PBLD: variants seen among roughly 807,000 people sequenced by gnomAD.
PBLD encodes phenazine biosynthesis like protein domain containing, also known as phenazine biosynthesis-like domain-containing protein.
PBLD carries 26 observed loss-of-function variants against 31.3 expected under a neutral mutation model. The ratio of observed to expected loss-of-function variants is 0.83; its 90% CI spans 0.61 to 1.15. PBLD has a LOEUF of 1.15. PBLD is among the 50% of genes most tolerant of loss of function. PBLD has a pLI of 0.00. For missense variants in PBLD, 307 were observed against 351.7 expected (o/e 0.87, Z 1.02); for synonymous variants, 114 against 129.0 (o/e 0.88, Z 0.79).
chr10:68,301,248 T>C lies in PBLD; in HGVS notation c.85-4263A>G, dbSNP rs1465803675. Among the ~76,000 whole-genome samples, 3 of 152,236 alleles carry C rather than the reference T, an allele frequency of 2.0e-5. No homozygotes were observed. The East Asian group carries it at 5.8e-4, about 29-fold the overall frequency. The stretch of plus-strand genomic sequence containing the variant: ...TTTAACATAATGGACACTCTAGAAT[T>C]CTAGAAGTAGGATGGTGAAAATGCA... On this transcript the variant is annotated intron_variant, in intron 2 of 9. Coordinates refer to ENST00000358769, the MANE Select transcript of PBLD (RefSeq NM_022129.4).
chr10:68,289,054 G>A (rs776347116), intron 6 of PBLD, 35 bp from the exon 7 acceptor site: 2 of 1,526,682 alleles, frequency 1.3e-6, no homozygotes, highest in Non-Finnish European at 1.8e-6. Context: ...TCAGGGACAT[G>A]CCCTGGGCCA....
chr10:68,328,940 C>T (rs770869769), intron 1 of PBLD, among the ~76,000 whole-genome samples: 5 of 152,172 alleles, frequency 3.3e-5, no homozygotes, highest in Non-Finnish European at 5.9e-5. Context: ...TGCAGTGGCA[C>T]GATCTCGGCT....
At chr10:68,295,154 G>A (rs555759917) in intron 4 of PBLD, among the ~76,000 whole-genome samples, 202 of 152,296 alleles carry the variant, frequency 1.3e-3, no homozygotes, top group Middle Eastern at 6.8e-3. Context: ...CTTTTAAGGT[G>A]AATGTATACA....
intron 2 of PBLD, among the ~76,000 whole-genome samples, chr10:68,305,808 T>C (rs1405271102): frequency 6.6e-6 from 1 of 152,018 alleles, no homozygotes; most frequent in African/African-American, 2.4e-5. Context: ...CCAGAGAGCC[T>C]GTTGTAATTG....
intron 1 of PBLD, among the ~76,000 whole-genome samples, chr10:68,311,620 C>G (rs182483121): frequency 6.6e-6 from 1 of 151,374 alleles, no homozygotes; most frequent in African/African-American, 2.4e-5. Flanking sequence ...GGCATGGTGG[C>G]GCATGCCTGT....
intron 1 of PBLD, among the ~76,000 whole-genome samples, chr10:68,309,406 C>CAAAAAAAAAAAAAAAAAAAAAAAAAAAAA (rs58152894): frequency 8.7e-6 from 1 of 114,706 alleles, no homozygotes; most frequent in Non-Finnish European, 1.6e-5. Context: ...GATTATGTTT[C>CAAAAAAAAAAAAAAAAAAAAAAAAAAAAA]AAAAAAAAAA....
chr10:68,320,443 A>C (rs2044816719), intron 1 of PBLD, among the ~76,000 whole-genome samples: 1 of 152,212 alleles, frequency 6.6e-6, no homozygotes, highest in South Asian at 2.1e-4. Flanking sequence ...CTTGGTATCC[A>C]CAAGGCACTG....
intron 2 of PBLD, among the ~76,000 whole-genome samples, chr10:68,300,332 C>T (rs2044489336): frequency 6.6e-6 from 1 of 152,182 alleles, no homozygotes; most frequent in Non-Finnish European, 1.5e-5. Flanking sequence ...AGCCACACTA[C>T]ACTGCCTGCC....
chr10:68,285,704 A>T (rs1175665762), intron 8 of PBLD, among the ~76,000 whole-genome samples: 1 of 151,476 alleles, frequency 6.6e-6, no homozygotes, highest in African/African-American at 2.4e-5. Context: ...TTTGAGACAC[A>T]GTCTTGCTCT....
At chr10:68,288,895 C>T (rs2044321380) in intron 7 of PBLD, 36 bp downstream of exon 7, 5 of 1,573,024 alleles carry the variant, frequency 3.2e-6, no homozygotes, top group Non-Finnish European at 4.4e-6. Flanking sequence ...GGGTACTCAG[C>T]CCTCCCCAAA....
rs1311228818 is a variant in PBLD at position 68,283,583 on chromosome 10, CCTT to C, written c.*591_*593del. 2 of 152,268 alleles carry C rather than the reference CCTT, an allele frequency of 1.3e-5. No individual in the cohort carries two copies. Among genetic ancestry groups the C allele is most frequent in the East Asian group, 3.8e-4 (2 of 5,200 alleles). 9.4% of individuals were successfully genotyped at this position (152,268 alleles called of 1,614,324 possible). ...TATCACTCCTCAGAAATGTATTCCT[CCTT>C]CTCTTGATTGGTAGTCATAATCAAA... On this transcript the variant is annotated 3_prime_UTR_variant, in exon 10 of 10. Coordinates refer to ENST00000358769, the MANE Select transcript of PBLD (RefSeq NM_022129.4).
intron 1 of PBLD, among the ~76,000 whole-genome samples, chr10:68,317,817 C>CA (rs914487674): frequency 5.4e-5 from 8 of 148,766 alleles, no homozygotes; most frequent in African/African-American, 2.0e-4. Context: ...AACAAACAAA[C>CA]AAAAAAAATG....
chr10:68,328,639 A>C (rs1287841951), intron 1 of PBLD, among the ~76,000 whole-genome samples: 1 of 152,236 alleles, frequency 6.6e-6, no homozygotes, highest in Non-Finnish European at 1.5e-5. Flanking sequence ...AAAAAGTCCC[A>C]AAAGCAGCTG....
At chr10:68,316,129 A>C (rs958599449) in intron 1 of PBLD, among the ~76,000 whole-genome samples, 2 of 152,206 alleles carry the variant, frequency 1.3e-5, no homozygotes, top group Admixed American at 1.3e-4. Flanking sequence ...GTAGTTAATA[A>C]AAACTGTCCC....
At chr10:68,286,820 G>A (rs146808613) in intron 8 of PBLD, among the ~76,000 whole-genome samples, 42 of 151,976 alleles carry the variant, frequency 2.8e-4, no homozygotes, top group African/African-American at 8.7e-4. Context: ...AGAAAAAGAT[G>A]GGGAGGAAAA....
chr10:68,293,685 A>G (rs2044388108), intron 4 of PBLD, among the ~76,000 whole-genome samples: 2 of 152,168 alleles, frequency 1.3e-5, no homozygotes, highest in Non-Finnish European at 2.9e-5. Context: ...TCAGCATCAA[A>G]CCAACCCACG....
intron 1 of PBLD, among the ~76,000 whole-genome samples, chr10:68,316,063 C>T (rs2044732689): frequency 6.6e-6 from 1 of 151,620 alleles, no homozygotes; most frequent in African/African-American, 2.4e-5. Flanking sequence ...CAGATTTCAA[C>T]AACAAAAAAG....
At chr10:68,328,800 CTT>C (rs140395448) in intron 1 of PBLD, among the ~76,000 whole-genome samples, 10 of 147,538 alleles carry the variant, frequency 6.8e-5, no homozygotes, top group Admixed American at 1.3e-4. Context: ...GTTGACAAGA[CTT>C]TTTTTTTTTT....
At chr10:68,297,078 C>T (rs2134449436) in intron 2 of PBLD, 93 bp from the exon 3 acceptor site, 1 of 978,358 alleles carries the variant, frequency 1.0e-6, no homozygotes, top group Non-Finnish European at 1.6e-6. Flanking sequence ...AGCAGTTTAG[C>T]AATAATAAGA....
Sources: allele counts gnomAD v4.1 joint callset (sites outside exome capture counted in the v4.1 genomes callset), GRCh38; gene constraint gnomAD v4.1.1; transcripts MANE v1.5; gene names NCBI Gene and HGNC (gene_info 2026-07-23, HGNC 2026-07-21).